The following PLEKHA5 variants were observed in gnomAD, a reference collection of about 807,000 sequenced individuals.
PLEKHA5 encodes pleckstrin homology domain containing A5.
Under a neutral mutation model 181.9 loss-of-function variants are expected in PLEKHA5, and 55 were observed. That is an observed-to-expected ratio of 0.30 (90% CI 0.24 to 0.38). The LOEUF is 0.38. PLEKHA5 is among the 10% of genes least tolerant of loss of function. PLEKHA5 has a pLI of 1.00. For synonymous variants in PLEKHA5, 535 were observed against 529.4 expected, an observed-to-expected ratio of 1.01 and a Z score of -0.15; for missense variants, 1,432 against 1,549.5, an observed-to-expected ratio of 0.92 and a Z score of 1.27.
chr12:19,200,501 A>G, intron 3 of PLEKHA5: 5 of 1,364,134 alleles, frequency 3.7e-6, no homozygotes, highest in East Asian at 2.6e-5. Flanking sequence ...TCCATAACAA[A>G]TGTTCCAAAT....
At chr12:19,180,861 T>G (rs2048377595) in intron 3 of PLEKHA5, among the ~76,000 whole-genome samples, 1 of 151,152 alleles carries the variant, frequency 6.6e-6, no homozygotes, top group African/African-American at 2.4e-5. Flanking sequence ...CACCTACGGC[T>G]CCTAAAAAAC....
intron 3 of PLEKHA5, among the ~76,000 whole-genome samples, chr12:19,208,192 G>A (rs965727756): frequency 2.0e-5 from 3 of 152,052 alleles, no homozygotes; most frequent in Non-Finnish European, 4.4e-5. Flanking sequence ...TGGATCACCT[G>A]AGGTCAAGAG....
rs553903965 is a variant in PLEKHA5 at position 19,374,431 on chromosome 12, G to A, written c.*12-1100G>A. On this transcript the variant is annotated intron_variant, in intron 31 of 31. Coordinates refer to ENST00000429027, the MANE Select transcript of PLEKHA5 (RefSeq NM_001256470.2). Reference sequence around the variant, plus strand: ...TCCCAACACTTTGTGAGGCCGAGGCGGGCGGAACACAAGGTCAGGAGATCG... The same window carrying A: ...TCCCAACACTTTGTGAGGCCGAGGCAGGCGGAACACAAGGTCAGGAGATCG... Among the ~76,000 whole-genome samples, 187 of 152,160 alleles carry A rather than the reference G, an allele frequency of 1.2e-3. 1 individual carries two copies. The highest frequency in any genetic ancestry group is 4.4e-3 in the African/African-American group (182 of 41,516).
intron 3 of PLEKHA5, among the ~76,000 whole-genome samples, chr12:19,247,787 C>T (rs897486864): frequency 6.6e-6 from 1 of 151,080 alleles, no homozygotes; most frequent in Admixed American, 6.6e-5. Flanking sequence ...TGAGGGCATT[C>T]GTTCATTTTA....
chr12:19,298,458 G>A, intron 15 of PLEKHA5, among the ~76,000 whole-genome samples: 1 of 132,770 alleles, frequency 7.5e-6, no homozygotes, highest in South Asian at 2.5e-4. Flanking sequence ...AACTGGGGAA[G>A]ATCTCCGTCT....
At chr12:19,148,093 G>T (rs2039412356) in intron 3 of PLEKHA5, among the ~76,000 whole-genome samples, 3 of 150,924 alleles carry the variant, frequency 2.0e-5, no homozygotes, top group Non-Finnish European at 4.4e-5. Flanking sequence ...GTCTCGTTCT[G>T]TTGCCCGGGC....
Position 19,363,042 on chromosome 12 carries a change from G to C in PLEKHA5, c.3608+1336G>C, listed in dbSNP as rs191207658. ...TCTTCCCAGGTAATGATTGACATTG[G>C]TCAAAATTCTAAGCTGTCTCATAAG... On this transcript the variant is annotated intron_variant, in intron 29 of 31. Coordinates refer to ENST00000429027, the MANE Select transcript of PLEKHA5 (RefSeq NM_001256470.2). Among the ~76,000 whole-genome samples, 237 of 152,102 alleles carry C rather than the reference G, an allele frequency of 1.6e-3. 2 individuals carry two copies. The highest frequency in any genetic ancestry group is 5.8e-4 in the East Asian group (3 of 5,164).
chr12:19,192,324 T>C (rs1253723828), intron 3 of PLEKHA5, among the ~76,000 whole-genome samples: 1 of 152,100 alleles, frequency 6.6e-6, no homozygotes, highest in Non-Finnish European at 1.5e-5. Flanking sequence ...ACTGATTAAG[T>C]TCACTTTAGT....
chr12:19,181,766 T>G (rs1443572052), intron 3 of PLEKHA5, among the ~76,000 whole-genome samples: 1 of 151,860 alleles, frequency 6.6e-6, no homozygotes, highest in Non-Finnish European at 1.5e-5. Context: ...ACAAACAGAG[T>G]GAGACTCTGA....
At chr12:19,168,061 A>G (rs187018560) in intron 3 of PLEKHA5, among the ~76,000 whole-genome samples, 145 of 152,260 alleles carry the variant, frequency 9.5e-4, no homozygotes, top group Admixed American at 1.8e-3. Context: ...GAGAGCTTCT[A>G]TTTGTTCCTA....
chr12:19,317,558 C>G (rs1265782956), intron 16 of PLEKHA5, among the ~76,000 whole-genome samples: 1 of 151,894 alleles, frequency 6.6e-6, no homozygotes, highest in Non-Finnish European at 1.5e-5. Context: ...CTAATTTTAT[C>G]AAATTTTAAA....
intron 3 of PLEKHA5, among the ~76,000 whole-genome samples, chr12:19,221,967 A>T (rs1382909414): frequency 2.0e-5 from 3 of 152,236 alleles, no homozygotes; most frequent in African/African-American, 4.8e-5. Flanking sequence ...GTTAATTTTT[A>T]AAAATATTGC....
At chr12:19,375,229 C>T (rs1160896801) in intron 31 of PLEKHA5, among the ~76,000 whole-genome samples, 2 of 151,904 alleles carry the variant, frequency 1.3e-5, no homozygotes, top group Admixed American at 6.6e-5. Context: ...GAGACTGAGG[C>T]AGGAGAATCG....
intron 3 of PLEKHA5, among the ~76,000 whole-genome samples, chr12:19,237,773 A>T (rs1246202083): frequency 6.6e-6 from 1 of 152,004 alleles, no homozygotes; most frequent in African/African-American, 2.4e-5. Context: ...TTTATTATTA[A>T]TAATATCAAT....
In PLEKHA5 at chr12:19,283,595, A is replaced by G; in HGVS notation, c.1629A>G (p.Thr543=). The G allele has an allele frequency of 6.2e-7, 1 of 1,614,130 alleles. No individual in the cohort carries two copies. The highest frequency in any genetic ancestry group is 1.1e-5 in the South Asian group (1 of 91,078). ...PKTMVNISDQ[T]MHSIPTSPSH... ...CCATGGTAAATATTTCTGACCAGACAATGCACTCTATTCCCACATCACCTT... is the reference window on the plus strand; with the variant it reads ...CCATGGTAAATATTTCTGACCAGACGATGCACTCTATTCCCACATCACCTT... The change falls in exon 12 of 32, where the codon ACA becomes ACG. Residue 543 remains threonine, a synonymous_variant. Coordinates refer to ENST00000429027, the MANE Select transcript of PLEKHA5 (RefSeq NM_001256470.2).
At chr12:19,331,470 G>A (rs2092823756) in intron 20 of PLEKHA5, among the ~76,000 whole-genome samples, 1 of 152,146 alleles carries the variant, frequency 6.6e-6, no homozygotes, top group African/African-American at 2.4e-5. Context: ...CTCCCAAACT[G>A]CTGGGATTAC....
intron 9 of PLEKHA5, 43 bp from the exon 10 acceptor site, chr12:19,270,145 C>T (rs1183565488): frequency 7.7e-7 from 1 of 1,297,306 alleles, no homozygotes; most frequent in Non-Finnish European, 1.0e-6. Context: ...TGGGGTGAAT[C>T]CAGAATCCTA....
intron 3 of PLEKHA5, among the ~76,000 whole-genome samples, chr12:19,135,303 G>A (rs2035288586): frequency 6.6e-6 from 1 of 152,114 alleles, no homozygotes; most frequent in African/African-American, 2.4e-5. Flanking sequence ...TTGTAGTGGG[G>A]AAGTCATAGG....
At chr12:19,280,786 C>T (rs1219019283) in intron 11 of PLEKHA5, among the ~76,000 whole-genome samples, 1 of 151,244 alleles carries the variant, frequency 6.6e-6, no homozygotes, top group Admixed American at 6.6e-5. Context: ...TTTCAGCTCA[C>T]TGCAACCTCC....
Sources: allele counts gnomAD v4.1 joint callset (sites outside exome capture counted in the v4.1 genomes callset), GRCh38; gene constraint gnomAD v4.1.1; transcripts MANE v1.5; gene names NCBI Gene and HGNC (gene_info 2026-07-23, HGNC 2026-07-21).